PCDHGA6: variants seen among roughly 807,000 people sequenced by gnomAD.
The protein encoded by PCDHGA6 is protocadherin gamma subfamily A, 6, also known as protocadherin gamma-A6.
PCDHGA6 carries 41 observed loss-of-function variants against 60.6 expected under a neutral mutation model. The ratio of observed to expected loss-of-function variants is 0.68; its 90% CI spans 0.53 to 0.88. The LOEUF (loss-of-function observed/expected upper bound fraction) is 0.88. Ranked by LOEUF, PCDHGA6 falls within the 40% of genes least tolerant of loss-of-function variation. The probability of loss-of-function intolerance (pLI) is 0.00; values close to 1 mark genes in which losing one functional copy is unlikely to be tolerated. For synonymous variants in PCDHGA6, 594 were observed against 524.4 expected (o/e 1.13, Z -1.81); for missense variants, 1,312 against 1,203.0 (o/e 1.09, Z -1.34).
Position 141,491,763 on chromosome 5 carries a change from T to A in PCDHGA6, c.2425-3044T>A. 1 of 1,570,222 alleles carries A rather than the reference T, an allele frequency of 6.4e-7. No individual in the cohort carries two copies. The highest frequency in any genetic ancestry group is 8.6e-7 in the Non-Finnish European group (1 of 1,159,286). On this transcript the variant is annotated intron_variant, in intron 1 of 3. Transcript: ENST00000517434. This position sits in a 1 kb window ranked among gnomAD's most constrained non-coding sequence, Gnocchi z 6.9. ...GCGGCACTGGAGAAGCCGCCCGTCC[T>A]CATAAGGGATTGAACTTGCATCCAC... is the stretch of plus-strand genomic sequence containing the variant.
At chr5:141,402,087 A>G (rs1388054772) in intron 1 of PCDHGA6, among the ~76,000 whole-genome samples, 1 of 152,224 alleles carries the variant, frequency 6.6e-6, no homozygotes, top group Non-Finnish European at 1.5e-5. Context: ...GAAATAGCAG[A>G]AAAGTTTAAG....
chr5:141,398,383 G>C, intron 1 of PCDHGA6: 4 of 1,451,918 alleles, frequency 2.8e-6, no homozygotes, highest in Non-Finnish European at 2.9e-6. Context: ...GGAGTTGCTT[G>C]TGAGCAGCAG....
intron 1 of PCDHGA6, among the ~76,000 whole-genome samples, chr5:141,494,328 G>T (rs1595238527): frequency 6.6e-6 from 1 of 152,200 alleles, no homozygotes; most frequent in Non-Finnish European, 1.5e-5. Flanking sequence ...CACCAAAAGG[G>T]TTACCAAGAA....
At chr5:141,377,672 C>CAAG (rs1410106152) in intron 1 of PCDHGA6, 2 of 151,680 alleles carry the variant, frequency 1.3e-5, no homozygotes, top group Admixed American at 1.3e-4. Context: ...GACGTTCATA[C>CAAG]AAGAGATCTT....
rs745989563 is a variant in PCDHGA6, at chr5:141,490,728, T to G, written c.2425-4079T>G. The G allele has an allele frequency of 6.2e-7, 1 of 1,614,148 alleles. No individual in the cohort carries two copies. Among genetic ancestry groups the G allele is most frequent in the East Asian group, 2.2e-5 (1 of 44,882 alleles). ...GCCTCACCTACTCCATTGTAGGAAA[T>G]CAGGTTCAGGGAGCCCCAGCCTCCT... On this transcript the variant is annotated intron_variant, in intron 1 of 3. Transcript: ENST00000517434. The surrounding 1 kb of genome is among the most constrained non-coding windows in gnomAD (Gnocchi z 5.4).
intron 1 of PCDHGA6, chr5:141,388,870 G>T (rs1196888001): frequency 4.3e-6 from 7 of 1,613,964 alleles, no homozygotes; most frequent in Non-Finnish European, 5.9e-6. Flanking sequence ...ATTGCGCAAT[G>T]CACAGTGGAG....
intron 2 of PCDHGA6, among the ~76,000 whole-genome samples, chr5:141,497,483 C>T (rs1039341023): frequency 6.6e-6 from 1 of 150,378 alleles, no homozygotes; most frequent in Non-Finnish European, 1.5e-5. Context: ...AGGTGCGGAA[C>T]CTCTCTCTCT....
At chr5:141,436,950 C>A (rs894702404) in intron 1 of PCDHGA6, among the ~76,000 whole-genome samples, 3 of 152,138 alleles carry the variant, frequency 2.0e-5, no homozygotes, top group African/African-American at 7.2e-5. Flanking sequence ...ATAGTGAAAT[C>A]TAAACAAGGA....
At position 141,477,019 on chromosome 5, in the gene PCDHGA6, C is replaced by T. The variant is rs148675327; in HGVS notation, c.2425-17788C>T. 1.9e-5 allele frequency: 30 copies of T among 1,614,242 alleles called. No individual in the cohort carries two copies. Among genetic ancestry groups the T allele is most frequent in the Non-Finnish European group, 2.5e-5 (30 of 1,180,048 alleles). On this transcript the variant is annotated intron_variant, in intron 1 of 3. Transcript: ENST00000517434. This position sits in a 1 kb window ranked among gnomAD's most constrained non-coding sequence, Gnocchi z 4.9. ...AACTATTCGCCTTAGACCTTGTAAC[C>T]GGGATGCTGACAATCAAGGGTCGGC...
At chr5:141,510,408 T>C (rs1447722710) in intron 3 of PCDHGA6, among the ~76,000 whole-genome samples, 1 of 151,878 alleles carries the variant, frequency 6.6e-6, no homozygotes, top group African/African-American at 2.4e-5. Flanking sequence ...GCTAGGGGCA[T>C]GTAAAGCCAT....
chr5:141,410,685 A>G, intron 1 of PCDHGA6: 1 of 1,528,540 alleles, frequency 6.5e-7, no homozygotes, highest in Non-Finnish European at 8.7e-7. Flanking sequence ...TTTTAGGCAT[A>G]CTACTTTATT....
chr5:141,469,436 G>A (rs556417221), intron 1 of PCDHGA6, among the ~76,000 whole-genome samples: 11 of 152,118 alleles, frequency 7.2e-5, no homozygotes, highest in East Asian at 1.9e-4. Flanking sequence ...TTAGCTGGGC[G>A]TGGTGGTGCA....
intron 1 of PCDHGA6, chr5:141,408,715 G>T: frequency 1.9e-6 from 3 of 1,612,078 alleles, no homozygotes; most frequent in Non-Finnish European, 2.5e-6. Flanking sequence ...AAGATTATAA[G>T]ATAAACTCTA....
chr5:141,410,119 C>T (rs1306210256), intron 1 of PCDHGA6: 2 of 1,612,822 alleles, frequency 1.2e-6, no homozygotes, highest in Middle Eastern at 1.7e-4. Flanking sequence ...ACGCAGCCCG[C>T]CAGCGCCTGC....
At chr5:141,433,295 G>A (rs754784548) in intron 1 of PCDHGA6, 22 of 1,044,006 alleles carry the variant, frequency 2.1e-5, no homozygotes, top group Non-Finnish European at 2.9e-5. Flanking sequence ...CTAGGCTCAA[G>A]CAATTATCCC....
At chr5:141,474,803 T>C (rs1383027398) in intron 1 of PCDHGA6, among the ~76,000 whole-genome samples, 1 of 152,250 alleles carries the variant, frequency 6.6e-6, no homozygotes, top group Non-Finnish European at 1.5e-5. Context: ...ATGGAGTGGT[T>C]TGCATCATTA....
rs775380177 is a variant in PCDHGA6, at chr5:141,422,666, C to T, written c.2424+46159C>T. The T allele has an allele frequency of 3.1e-6, 5 of 1,608,026 alleles. No individual in the cohort carries two copies. In the South Asian group the frequency reaches 3.3e-5, roughly 11 times the overall value. ...ATCTTCTCAGTGACCGCCCTCGACC[C>T]GGACAGCAAACAGAATGCCCTGGTC... On this transcript the variant is annotated intron_variant, in intron 1 of 3. Transcript: ENST00000517434.
chr5:141,383,551 G>A lies in PCDHGA6; in HGVS notation c.2424+7044G>A, dbSNP rs772901140. 8 of 1,612,382 alleles carry A rather than the reference G, an allele frequency of 5.0e-6. No individual in the cohort carries two copies. Among genetic ancestry groups the A allele is most frequent in the Admixed American group, 3.3e-5 (2 of 59,816 alleles). On this transcript the variant is annotated intron_variant, in intron 1 of 3. Transcript: ENST00000517434. ...CCTGGTCCTCACAGCCTCTGATGGC[G>A]GCGACCCGCCCCGATCCAGCACCGC...
chr5:141,389,999 G>C (rs777892783), intron 1 of PCDHGA6: 4 of 1,614,018 alleles, frequency 2.5e-6, no homozygotes, highest in Non-Finnish European at 3.4e-6. Context: ...TCGTGGCCAT[G>C]ATTCTGGCCA....
Sources: gnomAD v4.1 joint callset for allele counts (sites outside exome capture counted in the v4.1 genomes callset) on GRCh38, gnomAD v4.1.1 for gene constraint, Gnocchi (gnomAD v3.1) non-coding constraint, MANE v1.5 for transcripts, NCBI Gene and HGNC (gene_info 2026-07-23, HGNC 2026-07-21) for gene names.